UBE2D3: variants seen among roughly 807,000 people sequenced by gnomAD.
UBE2D3 encodes ubiquitin-conjugating enzyme E2 D3.
UBE2D3 carries 2 observed loss-of-function variants against 22.8 expected under a neutral mutation model. The observed-to-expected ratio is 0.09, with a 90% CI of 0.04 to 0.28. UBE2D3 has a LOEUF of 0.28. Among genes scored for constraint, UBE2D3 ranks in the 10% least tolerant of loss-of-function variants. UBE2D3 has a pLI of 1.00. For missense variants in UBE2D3, 27 were observed against 182.5 expected, an observed-to-expected ratio of 0.15 and a Z score of 4.91; for synonymous variants, 56 against 60.4, an observed-to-expected ratio of 0.93 and a Z score of 0.34.
chr4:102,799,121 G>A (rs1435306305), intron 7 of UBE2D3: 15 of 928,204 alleles, frequency 1.6e-5, no homozygotes, highest in Non-Finnish European at 2.1e-5. Context: ...ACATGCTTGG[G>A]GTAAAGAAAA....
At chr4:102,807,565 T>G (rs1727262402) in intron 4 of UBE2D3, among the ~76,000 whole-genome samples, 1 of 152,178 alleles carries the variant, frequency 6.6e-6, no homozygotes, top group South Asian at 2.1e-4. Context: ...GGTTAATATT[T>G]AAATGGTTCT....
At chr4:102,807,501 CA>C (rs1727250625) in intron 4 of UBE2D3, among the ~76,000 whole-genome samples, 1 of 152,124 alleles carries the variant, frequency 6.6e-6, no homozygotes, top group Non-Finnish European at 1.5e-5. Flanking sequence ...TAACTGAAAA[CA>C]TATTTCAGTG....
At chr4:102,799,986 A>T (rs911243708) in intron 6 of UBE2D3, among the ~76,000 whole-genome samples, 9 of 152,026 alleles carry the variant, frequency 5.9e-5, no homozygotes, top group African/African-American at 1.7e-4. Context: ...TGAACTTGTA[A>T]GCAAGAAACC....
intron 2 of UBE2D3, chr4:102,812,892 G>C (rs1343657975): frequency 6.6e-6 from 1 of 152,130 alleles, no homozygotes. Context: ...AAAAATTATA[G>C]TATTATAGAC....
chr4:102,846,713 C>T (rs771922930), intron 1 of UBE2D3, among the ~76,000 whole-genome samples: 2 of 152,064 alleles, frequency 1.3e-5, no homozygotes, highest in African/African-American at 2.4e-5. Context: ...GATCATGGCT[C>T]ATTGCAACTT....
At chr4:102,847,167 G>A (rs1053433341) in intron 1 of UBE2D3, among the ~76,000 whole-genome samples, 1 of 152,210 alleles carries the variant, frequency 6.6e-6, no homozygotes, top group Non-Finnish European at 1.5e-5. Context: ...GAATAGGAAA[G>A]GGGAAGAATT....
intron 2 of UBE2D3, chr4:102,819,607 T>C (rs1000983112): frequency 1.0e-6 from 1 of 985,422 alleles, no homozygotes; most frequent in South Asian, 4.7e-5. Context: ...TAACTTATTC[T>C]AGGTTTCATC....
At chr4:102,823,714 C>G (rs922826883) in intron 2 of UBE2D3, among the ~76,000 whole-genome samples, 5 of 152,080 alleles carry the variant, frequency 3.3e-5, no homozygotes, top group African/African-American at 1.2e-4. Flanking sequence ...CATATTACAG[C>G]TCGTTCAAAT....
rs1313472685 is a variant in UBE2D3 at position 102,797,187 on chromosome 4, T to TTC, written c.*226_*227dup. On this transcript the variant is annotated 3_prime_UTR_variant, in exon 8 of 8. Transcript: ENST00000453744. Reference sequence around the variant, plus strand: ...AAAAATTCTGAGTCTTGGGCAACTGTTCTCTTGTAACTACTTTACAGTTTC... The same window carrying TTC: ...AAAAATTCTGAGTCTTGGGCAACTGTTCTCTCTTGTAACTACTTTACAGTTTC... 1 of 398,154 alleles carries TTC rather than the reference T, an allele frequency of 2.5e-6. No homozygotes were observed. The highest frequency in any genetic ancestry group is 4.5e-6 in the Non-Finnish European group (1 of 220,718). The allele number at this position is 398,154 out of a possible 1,614,324, so 24.7% of individuals were successfully genotyped here. A position where few individuals can be genotyped will look rare whatever the true frequency, so the allele number is the denominator to read the frequency against.
At chr4:102,847,072 C>G (rs941947659) in intron 1 of UBE2D3, among the ~76,000 whole-genome samples, 4 of 152,110 alleles carry the variant, frequency 2.6e-5, no homozygotes, top group Admixed American at 6.6e-5. Context: ...GATTGATGTT[C>G]AGAGTTTTCA....
chr4:102,868,752 T>G, exon 1 of UBE2D3: 1 of 1,614,084 alleles, frequency 6.2e-7, no homozygotes, highest in Non-Finnish European at 8.5e-7. Context: ...CATTCTCACA[T>G]GCTTATCTCA....
intron 1 of UBE2D3, 88 bp downstream of exon 1, chr4:102,827,339 C>G (rs1437150267): frequency 1.0e-6 from 1 of 978,908 alleles, no homozygotes; most frequent in Non-Finnish European, 1.2e-6. Context: ...GCCGCTCAAG[C>G]CGCCCAGGTC....
At chr4:102,836,141 A>ATTTTTTTTT (rs907557988) in intron 1 of UBE2D3, among the ~76,000 whole-genome samples, 35 of 102,676 alleles carry the variant, frequency 3.4e-4, no homozygotes, top group African/African-American at 3.9e-4. Flanking sequence ...GTTTGTTTCC[A>ATTTTTTTTT]TTTTTTTTTT....
intron 1 of UBE2D3, among the ~76,000 whole-genome samples, chr4:102,835,843 C>T: frequency 6.6e-6 from 1 of 152,112 alleles, no homozygotes; most frequent in East Asian, 1.9e-4. Flanking sequence ...TTTCCTTATG[C>T]TCTTTTATAA....
In UBE2D3 at chr4:102,868,791, C is replaced by A. The variant is rs758192767; in HGVS notation, c.-205G>T. 3 of 1,613,708 alleles carry A rather than the reference C, an allele frequency of 1.9e-6. No individual in the cohort carries two copies. In the Admixed American group the frequency reaches 5.0e-5, roughly 27 times the overall value. On this transcript the variant is annotated 5_prime_UTR_variant, in exon 1 of 8. Coordinates refer to the UBE2D3 transcript ENST00000338145. ...CACACAGTATCCTTTCTGCTGGTCT[C>A]CAGCATCTACAGACGTTAAAGGCCC...
chr4:102,808,216 C>T (rs1727370317), intron 4 of UBE2D3, among the ~76,000 whole-genome samples: 1 of 152,180 alleles, frequency 6.6e-6, no homozygotes, highest in Admixed American at 6.5e-5. Context: ...GTCATTCCAT[C>T]CCAAGCCATT....
chr4:102,848,934 TGTG>T (rs1431334336), intron 1 of UBE2D3, among the ~76,000 whole-genome samples: 5 of 117,714 alleles, frequency 4.2e-5, no homozygotes, highest in Non-Finnish European at 3.9e-5. Flanking sequence ...TGTGTGTGTG[TGTG>T]TGTGTGTGTG....
chr4:102,806,551 C>G (rs1438041824), intron 4 of UBE2D3, among the ~76,000 whole-genome samples: 1 of 151,818 alleles, frequency 6.6e-6, no homozygotes, highest in Non-Finnish European at 1.5e-5. Flanking sequence ...AAAATAGTAC[C>G]TATGGACCAA....
upstream of UBE2D3, chr4:102,827,712 T>C: frequency 2.1e-6 from 2 of 931,588 alleles, no homozygotes; most frequent in Non-Finnish European, 2.5e-6. Flanking sequence ...GTCAAGCCCT[T>C]TTCCTTCTTC....
Sources: allele counts gnomAD v4.1 joint callset (sites outside exome capture counted in the v4.1 genomes callset), GRCh38; gene constraint gnomAD v4.1.1; transcripts MANE v1.5; gene names NCBI Gene and HGNC (gene_info 2026-07-23, HGNC 2026-07-21).